CDH8: variants seen among roughly 807,000 people sequenced by gnomAD.
CDH8 encodes cadherin 8, also known as cadherin-8.
In CDH8, 17 loss-of-function variants were observed where a neutral mutation model predicts 68.1. That is an observed-to-expected ratio of 0.25 (90% CI 0.17 to 0.37). The LOEUF is 0.37. Ranked by LOEUF, CDH8 falls within the 10% of genes least tolerant of loss-of-function variation. The probability of loss-of-function intolerance (pLI) is 1.00; values close to 1 mark genes in which losing one functional copy is unlikely to be tolerated. For synonymous variants in CDH8, 372 were observed against 365.1 expected (o/e 1.02, Z -0.21); for missense variants, 763 against 999.3 (o/e 0.76, Z 3.19).
intron 2 of CDH8, among the ~76,000 whole-genome samples, chr16:61,981,157 C>T (rs1339028234): frequency 1.3e-5 from 2 of 152,164 alleles, no homozygotes; most frequent in East Asian, 3.9e-4. Context: ...TTTCATTCCT[C>T]TTGGCAACAG....
intron 1 of CDH8, among the ~76,000 whole-genome samples, chr16:62,023,739 A>G (rs1160944968): frequency 6.6e-6 from 1 of 152,098 alleles, no homozygotes; most frequent in Non-Finnish European, 1.5e-5. Context: ...GAGGGGAAAG[A>G]CCTGTGCCAT....
chr16:61,996,268 T>C (rs1427584846), intron 2 of CDH8, among the ~76,000 whole-genome samples: 2 of 152,194 alleles, frequency 1.3e-5, no homozygotes, highest in East Asian at 1.9e-4. Flanking sequence ...GAAAGAATCA[T>C]GCCTTGTAAT....
intron 10 of CDH8, among the ~76,000 whole-genome samples, chr16:61,709,113 A>G (rs1205618869): frequency 3.3e-5 from 5 of 152,060 alleles, no homozygotes; most frequent in African/African-American, 7.2e-5. Flanking sequence ...AAGGGTATGG[A>G]TGTTTTTATA....
Position 61,662,220 on chromosome 16 carries a change from A to G in CDH8, c.1655-6499T>C, listed in dbSNP as rs375344632. ...TCTAAACTTGGCTTCAATTTTACTC[A>G]TACGTTATTCAACAATCTTCTTTTC... On this transcript the variant is annotated intron_variant, in intron 10 of 11. Transcript: ENST00000577390. Among the ~76,000 whole-genome samples, 7 of 151,506 alleles carry G rather than the reference A, an allele frequency of 4.6e-5. No individual in the cohort carries two copies. The East Asian group carries it at 1.2e-3, about 25-fold the overall frequency.
intron 3 of CDH8, among the ~76,000 whole-genome samples, chr16:61,869,352 GAGA>G (rs1963314999): frequency 6.6e-6 from 1 of 152,160 alleles, no homozygotes; most frequent in Non-Finnish European, 1.5e-5. Flanking sequence ...TGGGTGTGCA[GAGA>G]AGATTGACCC....
chr16:61,888,866 A>C (rs1165414166), intron 3 of CDH8, among the ~76,000 whole-genome samples: 1 of 152,174 alleles, frequency 6.6e-6, no homozygotes, highest in Non-Finnish European at 1.5e-5. Flanking sequence ...TCCTGAACTC[A>C]AACCACTCTT....
chr16:61,904,983 T>G (rs1964039058), intron 2 of CDH8, among the ~76,000 whole-genome samples: 1 of 152,240 alleles, frequency 6.6e-6, no homozygotes, highest in South Asian at 2.1e-4. Context: ...GGATCTAGGT[T>G]GCATGCTCCT....
chr16:61,837,643 A>G (rs1401227890), intron 4 of CDH8, among the ~76,000 whole-genome samples: 4 of 152,210 alleles, frequency 2.6e-5, no homozygotes, highest in Non-Finnish European at 5.9e-5. Flanking sequence ...AGTCACCACA[A>G]TGTATTGGCT....
At chr16:61,737,525 T>C (rs1274230140) in intron 8 of CDH8, among the ~76,000 whole-genome samples, 2 of 152,124 alleles carry the variant, frequency 1.3e-5, no homozygotes, top group Non-Finnish European at 2.9e-5. Context: ...GGAAATAATG[T>C]CAATAGTGGG....
intron 10 of CDH8, among the ~76,000 whole-genome samples, chr16:61,690,290 A>G (rs1047370391): frequency 2.0e-5 from 3 of 152,080 alleles, no homozygotes; most frequent in Non-Finnish European, 2.9e-5. Context: ...TAGATGCATT[A>G]TTGATCCTTG....
chr16:61,950,460 G>A (rs1200927772), intron 2 of CDH8, among the ~76,000 whole-genome samples: 1 of 152,192 alleles, frequency 6.6e-6, no homozygotes, highest in African/African-American at 2.4e-5. Flanking sequence ...TTTGAGTGCA[G>A]AGTAGCAGAA....
intron 8 of CDH8, among the ~76,000 whole-genome samples, chr16:61,748,232 T>C (rs538026258): frequency 8.3e-4 from 126 of 151,834 alleles, no homozygotes; most frequent in African/African-American, 2.9e-3. Context: ...ATCATCATCA[T>C]CATCATCACT....
chr16:61,672,414 G>A (rs1306894476), intron 10 of CDH8, among the ~76,000 whole-genome samples: 2 of 151,960 alleles, frequency 1.3e-5, no homozygotes, highest in African/African-American at 4.8e-5. Context: ...CTATTTGGTT[G>A]CATTTTAAAA....
chr16:61,700,563 G>A (rs1964407145), intron 10 of CDH8, among the ~76,000 whole-genome samples: 1 of 152,164 alleles, frequency 6.6e-6, no homozygotes, highest in Admixed American at 6.5e-5. Context: ...ACGAGCGTGA[G>A]CCACCGCACC....
At chr16:61,780,354 C>A (rs570581791) in intron 8 of CDH8, among the ~76,000 whole-genome samples, 1 of 152,198 alleles carries the variant, frequency 6.6e-6, no homozygotes, top group Admixed American at 6.5e-5. Flanking sequence ...ATGTTAGATC[C>A]ACTACCACTG....
chr16:62,032,792 C>T (rs1417706987), intron 1 of CDH8, among the ~76,000 whole-genome samples: 1 of 152,132 alleles, frequency 6.6e-6, no homozygotes, highest in East Asian at 1.9e-4. Context: ...GGAAAATCTG[C>T]TCAAATTGGA....
At chr16:61,933,528 T>A (rs1455947107) in intron 2 of CDH8, among the ~76,000 whole-genome samples, 1 of 152,188 alleles carries the variant, frequency 6.6e-6, no homozygotes, top group East Asian at 1.9e-4. Flanking sequence ...AAAGATTTTT[T>A]AAATTACATA....
intron 7 of CDH8, among the ~76,000 whole-genome samples, chr16:61,813,017 T>C (rs1307781087): frequency 6.6e-6 from 1 of 152,156 alleles, no homozygotes; most frequent in Non-Finnish European, 1.5e-5. Context: ...AAAATAACAT[T>C]GTTTTCTCCT....
At chr16:61,985,087 A>G (rs1362566391) in intron 2 of CDH8, among the ~76,000 whole-genome samples, 1 of 151,320 alleles carries the variant, frequency 6.6e-6, no homozygotes, top group Non-Finnish European at 1.5e-5. Context: ...GTAGGCACCC[A>G]TAACTTTTTT....
Sources: gnomAD v4.1 joint callset for allele counts (sites outside exome capture counted in the v4.1 genomes callset) on GRCh38, gnomAD v4.1.1 for gene constraint, MANE v1.5 for transcripts, NCBI Gene and HGNC (gene_info 2026-07-23, HGNC 2026-07-21) for gene names.